PROM1: variants seen among roughly 807,000 people sequenced by gnomAD.
PROM1 encodes the protein prominin 1, also known as prominin-1.
PROM1 carries 105 observed loss-of-function variants against 116.9 expected under a neutral mutation model. The observed-to-expected ratio is 0.90, with a 90% confidence interval of 0.77 to 1.06. The LOEUF is 1.06. PROM1 is among the 50% of genes least tolerant of loss of function. The pLI, the probability that PROM1 is intolerant of heterozygous loss-of-function variation, is 0.00. For missense variants in PROM1, 1,122 were observed against 1,045.2 expected, an observed-to-expected ratio of 1.07 and a Z score of -1.01; for synonymous variants, 393 against 387.0, an observed-to-expected ratio of 1.02 and a Z score of -0.18.
intron 23 of PROM1, among the ~76,000 whole-genome samples, chr4:15,983,948 T>A (rs1390385650): frequency 6.6e-6 from 1 of 152,206 alleles, no homozygotes; most frequent in Non-Finnish European, 1.5e-5. Context: ...GTAAATGTAG[T>A]TGTACTGAGT....
chr4:16,069,189 C>T (rs533159442), intron 2 of PROM1, among the ~76,000 whole-genome samples: 2 of 152,268 alleles, frequency 1.3e-5, no homozygotes, highest in African/African-American at 4.8e-5. Context: ...GAGCCGAGAT[C>T]GTGCCACTGC....
In PROM1 at chr4:15,969,249, G is replaced by C. The variant is rs1283189364; in HGVS notation, c.*144C>G. On this transcript the variant is annotated 3_prime_UTR_variant, in exon 28 of 28. Coordinates refer to ENST00000447510, the MANE Select transcript of PROM1 (RefSeq NM_006017.3). ...CTACCCAGAGACCAATGGTGCCGTTGCCTTGGTGCCCGCCTGAGTCACTAC... is the reference window on the plus strand; with the variant it reads ...CTACCCAGAGACCAATGGTGCCGTTCCCTTGGTGCCCGCCTGAGTCACTAC... 1 of 152,246 alleles carries C rather than the reference G, an allele frequency of 6.6e-6. No homozygotes were observed. The highest frequency in any genetic ancestry group is 1.5e-5 in the Non-Finnish European group (1 of 68,048). The allele number at this position is 152,246 out of a possible 1,614,324, so 9.4% of individuals were successfully genotyped here.
At chr4:16,033,138 C>A (rs780365340) in intron 5 of PROM1, among the ~76,000 whole-genome samples, 166 bp downstream of exon 5, 14 of 152,166 alleles carry the variant, frequency 9.2e-5, no homozygotes, top group Non-Finnish European at 1.0e-4. Flanking sequence ...GAGATCCTTT[C>A]GAATCACTCT....
In PROM1 at chr4:16,076,073, G is replaced by A; in HGVS notation, c.-167C>T. The A allele has an allele frequency of 1.5e-6, 2 of 1,356,160 alleles. No homozygotes were observed. The highest frequency in any genetic ancestry group is 1.9e-6 in the Non-Finnish European group (2 of 1,030,812). The allele number at this position is 1,356,160 out of a possible 1,614,324, so 84.0% of individuals were successfully genotyped here. A position where few individuals can be genotyped will look rare whatever the true frequency, so the allele number is the denominator to read the frequency against. On this transcript the variant is annotated 5_prime_UTR_variant, in exon 2 of 28. Transcript: ENST00000447510. Reference sequence around the variant, plus strand: ...CTGAGGCTGGCTTGAGGCGAGGGATGCGGAAGAATGTTCTCCAAGGGGGTC... The same window carrying A: ...CTGAGGCTGGCTTGAGGCGAGGGATACGGAAGAATGTTCTCCAAGGGGGTC...
chr4:15,983,216 C>T (rs990366632), intron 23 of PROM1, among the ~76,000 whole-genome samples: 4 of 152,082 alleles, frequency 2.6e-5, no homozygotes, highest in African/African-American at 9.7e-5. Flanking sequence ...GAAAAGGCTT[C>T]CTGGAAAAAA....
intron 1 of PROM1, among the ~76,000 whole-genome samples, chr4:16,081,292 C>G (rs934491199): frequency 2.6e-5 from 4 of 152,040 alleles, no homozygotes; most frequent in African/African-American, 7.2e-5. Flanking sequence ...CAATTCCCAA[C>G]AAACGGTGCT....
chr4:16,040,119 G>A (rs1560548804), intron 2 of PROM1, among the ~76,000 whole-genome samples: 1 of 152,162 alleles, frequency 6.6e-6, no homozygotes, highest in African/African-American at 2.4e-5. Flanking sequence ...GGGGGCAAAC[G>A]AAACACTACA....
At position 15,989,814 on chromosome 4, in the gene PROM1, T is replaced by C. The variant is rs1720527271; in HGVS notation, c.1994A>G (p.Asn665Ser). 2 of 1,603,598 alleles carry C rather than the reference T, an allele frequency of 1.2e-6. No homozygotes were observed. The highest frequency in any genetic ancestry group is 2.7e-5 in the African/African-American group (2 of 74,944). Residue 665 changes from asparagine (N) to serine (S), a missense_variant, in exon 19 of 28, where the codon AAT becomes AGT. Asn to Ser is a conservative substitution (Grantham distance 46, BLOSUM62 1). Transcript: ENST00000447510. ...EAKANSLPPG[N>S]LRNSLKRDAQ... is the part of the protein sequence containing the mutation. The stretch of plus-strand genomic sequence containing the variant: ...ATCTCTTTTCAGGGAGTTCCTCAAA[T>C]TTCCTGGGGGCTACAAAAAGAATAA...
intron 23 of PROM1, among the ~76,000 whole-genome samples, chr4:15,982,144 T>C (rs544898336): frequency 2.0e-5 from 3 of 152,332 alleles, no homozygotes; most frequent in South Asian, 4.1e-4. Flanking sequence ...ACTTCCTACG[T>C]AAGTTCGAGT....
chr4:15,981,847 T>A (rs552009233), intron 23 of PROM1, among the ~76,000 whole-genome samples: 1 of 152,228 alleles, frequency 6.6e-6, no homozygotes, highest in African/African-American at 2.4e-5. Context: ...AGATTTCACA[T>A]GTAAACCTGG....
intron 2 of PROM1, among the ~76,000 whole-genome samples, chr4:16,061,892 T>C (rs1214066679): frequency 7.0e-6 from 1 of 142,140 alleles, no homozygotes; most frequent in Non-Finnish European, 1.5e-5. Context: ...AATTTCCTTT[T>C]TTTTTTTTTT....
At chr4:16,068,757 C>CT (rs1018541068) in intron 2 of PROM1, among the ~76,000 whole-genome samples, 4 of 152,292 alleles carry the variant, frequency 2.6e-5, no homozygotes, top group African/African-American at 9.6e-5. Context: ...GGAGGGAGCT[C>CT]TTATACTCAC....
intron 23 of PROM1, among the ~76,000 whole-genome samples, chr4:15,981,065 C>T (rs1165735293): frequency 6.6e-6 from 1 of 151,274 alleles, no homozygotes; most frequent in Non-Finnish European, 1.5e-5. Context: ...GGGTTCATGC[C>T]ATTCTCCTGC....
chr4:16,055,160 G>A, intron 2 of PROM1: 1 of 299,286 alleles, frequency 3.3e-6, no homozygotes, highest in Non-Finnish European at 6.8e-6. Context: ...ATCTAAATGA[G>A]ATCTAAGAAC....
At chr4:16,065,277 G>T (rs1214749734) in intron 2 of PROM1, among the ~76,000 whole-genome samples, 2 of 152,134 alleles carry the variant, frequency 1.3e-5, no homozygotes, top group Non-Finnish European at 2.9e-5. Context: ...CAGCCTCACT[G>T]CTCCCCAGGC....
At chr4:15,994,141 T>C (rs1412485542) in intron 15 of PROM1, 70 bp from the exon 16 acceptor site, 1 of 1,602,320 alleles carries the variant, frequency 6.2e-7, no homozygotes, top group Non-Finnish European at 8.5e-7. Context: ...CCACTGAAGA[T>C]GAGGAGAAAG....
rs1460979209 is a variant in PROM1 at position 16,000,401 on chromosome 4, A to AT, written c.1578+94dup. 8.2e-6 allele frequency: 9 copies of AT among 1,094,952 alleles called. No individual in the cohort carries two copies. In the East Asian group the frequency reaches 2.2e-4, roughly 27 times the overall value. 67.8% of individuals were successfully genotyped at this position (1,094,952 alleles called of 1,614,324 possible). The stretch of plus-strand genomic sequence containing the variant: ...TTACTGAATTTAAACCAAACTGCTT[A>AT]TAAGTTTGCACTGCTCTTAAAGTAA... On this transcript the variant is annotated intron_variant, in intron 14 of 27. Transcript: ENST00000447510.
chr4:16,019,019 C>T (rs968753524), intron 8 of PROM1, among the ~76,000 whole-genome samples: 2 of 152,216 alleles, frequency 1.3e-5, no homozygotes, highest in Admixed American at 6.5e-5. Context: ...CAGGTCTAGG[C>T]ATGGATCTCA....
At chr4:16,003,451 TG>T in intron 13 of PROM1, 1 of 456,040 alleles carries the variant, frequency 2.2e-6, no homozygotes, top group South Asian at 1.5e-5. Context: ...CCTCAGAAAC[TG>T]CCACCAGCCA....
Sources: allele counts gnomAD v4.1 joint callset (sites outside exome capture counted in the v4.1 genomes callset), GRCh38; gene constraint gnomAD v4.1.1; transcripts MANE v1.5; gene names NCBI Gene and HGNC (gene_info 2026-07-23, HGNC 2026-07-21).